Variants in SDR39U1 observed in about 807,000 individuals in gnomAD.
SDR39U1 encodes epimerase family protein SDR39U1.
A neutral mutation model predicts 31.7 loss-of-function variants in SDR39U1; 29 were observed. The ratio of observed to expected loss-of-function variants is 0.92; its 90% CI spans 0.68 to 1.25. The LOEUF is 1.25. SDR39U1 is among the 50% of genes most tolerant of loss of function. The pLI is 0.00. For missense variants in SDR39U1, 403 were observed against 378.4 expected (o/e 1.06, Z -0.54); for synonymous variants, 147 against 159.0 (o/e 0.92, Z 0.57).
rs376056935 is a variant in SDR39U1, at chr14:24,442,771, G to A, written c.-2C>T. 8 of 1,613,886 alleles carry A rather than the reference G, an allele frequency of 5.0e-6. No individual in the cohort carries two copies. The highest frequency in any genetic ancestry group is 6.8e-6 in the Non-Finnish European group (8 of 1,179,882). ...TCCCTCACCCACAAGCACACGCATAGCGACTAGGACCTAACGCGCCTGCGT... is the reference window on the plus strand; with the variant it reads ...TCCCTCACCCACAAGCACACGCATAACGACTAGGACCTAACGCGCCTGCGT... On this transcript the variant is annotated 5_prime_UTR_variant, in exon 1 of 6. Coordinates refer to ENST00000399395, the MANE Select transcript of SDR39U1 (RefSeq NM_020195.3).
chr14:24,440,622 A>AC, intron 5 of SDR39U1, 130 bp from the exon 6 acceptor site: 1 of 1,362,244 alleles, frequency 7.3e-7, no homozygotes, highest in Non-Finnish European at 1.0e-6. Flanking sequence ...AGTGAGCAGT[A>AC]TGGCTGTCTT....
In SDR39U1 at chr14:24,442,027, G is replaced by C. The variant is rs567062887; in HGVS notation, c.206+151C>G. 7.0e-5 allele frequency: 106 copies of C among 1,508,722 alleles called. 1 individual carries two copies. In the African/African-American group the frequency reaches 7.2e-4, roughly 10 times the overall value. The allele number at this position is 1,508,722 out of a possible 1,614,324, so 93.5% of individuals were successfully genotyped here. A position where few individuals can be genotyped will look rare whatever the true frequency, so the allele number is the denominator to read the frequency against. ...GGCTGACTGGGTGGAGGAGCAGGTG[G>C]GGGTGGAGGAGTGGAGCAGAATGAG... On this transcript the variant is annotated intron_variant, in intron 3 of 5. Coordinates refer to ENST00000399395, the MANE Select transcript of SDR39U1 (RefSeq NM_020195.3).
intron 1 of SDR39U1, 92 bp downstream of exon 1, chr14:24,442,662 G>C: frequency 6.6e-7 from 1 of 1,515,324 alleles, no homozygotes; most frequent in Non-Finnish European, 9.2e-7. Context: ...CAGGTTGCCT[G>C]TGCACTAGAC....
intron 4 of SDR39U1, chr14:24,441,143 A>G (rs915435225): frequency 1.5e-6 from 1 of 662,050 alleles, no homozygotes; most frequent in African/African-American, 1.8e-5. Flanking sequence ...AGGCTGCTAG[A>G]GTGTAGTGGT....
At chr14:24,441,485 A>G (rs1315072837) in intron 4 of SDR39U1, 189 bp downstream of exon 4, 1 of 552,728 alleles carries the variant, frequency 1.8e-6, no homozygotes, top group Non-Finnish European at 3.1e-6. Context: ...GCCACTCCCC[A>G]CTGTTTTTTC....
chr14:24,441,502 T>C (rs952611479), intron 4 of SDR39U1, 172 bp downstream of exon 4: 5 of 582,260 alleles, frequency 8.6e-6, no homozygotes, highest in Non-Finnish European at 1.4e-5. Flanking sequence ...TTTCAGGGTC[T>C]CAATTTCTTA....
Position 24,440,945 on chromosome 14 carries a change from C to A in SDR39U1, c.329-19G>T. ...TAGTAAGCTGCCGGTGGAACACAAT[C>A]ATTTGCCCTGGGTGTCCTTGGTCCT... On this transcript the variant is annotated intron_variant, in intron 4 of 5. Transcript: ENST00000399395. The A allele has an allele frequency of 6.2e-7, 1 of 1,613,942 alleles. No individual in the cohort carries two copies. Among genetic ancestry groups the A allele is most frequent in the South Asian group, 1.1e-5 (1 of 91,060 alleles).
rs1022747727 is a variant in SDR39U1 at position 24,442,215 on chromosome 14, TGAC to T, written c.166_168del (p.Val56del). 1.2e-5 allele frequency: 19 copies of T among 1,612,158 alleles called. No homozygotes were observed. The highest frequency in any genetic ancestry group is 1.6e-5 in the Non-Finnish European group (19 of 1,179,248). The stretch of plus-strand genomic sequence containing the variant: ...TTGAGGATGTTCTCTCCGGCCAGGT[TGAC>T]GGCGGCATCGCAGCTCGGCAGCCCC... On this transcript the variant is annotated inframe_deletion, in exon 3 of 6. Coordinates refer to ENST00000399395, the MANE Select transcript of SDR39U1 (RefSeq NM_020195.3).
chr14:24,442,366 CG>C lies in SDR39U1; in HGVS notation c.102del (p.Gly37AlafsTer42), dbSNP rs1369702381. 5.0e-6 allele frequency: 8 copies of C among 1,611,564 alleles called. No individual in the cohort carries two copies. The East Asian group carries it at 1.8e-4, about 36-fold the overall frequency. On this transcript the variant is annotated frameshift_variant, in exon 2 of 6. Coordinates refer to ENST00000399395, the MANE Select transcript of SDR39U1 (RefSeq NM_020195.3). LOFTEE classifies it high-confidence loss of function. ...GHEVTLVSRK[P>X]GPGRITWDEL... Reference sequence around the variant, plus strand: ...CTTACCCACGTGATCCGGCCGGGCCCGGGCTTTCGGGAGACCAACGTCACTT... The same window carrying C: ...CTTACCCACGTGATCCGGCCGGGCCCGGCTTTCGGGAGACCAACGTCACTT...
chr14:24,441,952 G>C (rs2043356260), intron 3 of SDR39U1, 157 bp from the exon 4 acceptor site: 1 of 1,340,254 alleles, frequency 7.5e-7, no homozygotes, highest in African/African-American at 1.4e-5. Context: ...GAGGGAAAGG[G>C]CATTCATTTC....
chr14:24,440,580 C>T (rs758744608), intron 5 of SDR39U1, 88 bp from the exon 6 acceptor site: 6 of 1,474,308 alleles, frequency 4.1e-6, no homozygotes, highest in Admixed American at 2.0e-5. Context: ...CCCTTCCTCA[C>T]TCTCCCCATG....
rs779142742 is a variant in SDR39U1, at chr14:24,441,627, C to T, written c.328+47G>A. On this transcript the variant is annotated intron_variant, in intron 4 of 5. Transcript: ENST00000399395. Reference sequence around the variant, plus strand: ...GCATAGCTACAGAGGTCTGAGTTACCCCGTTCCCCTGGCGAATATAAGGGG... The same window carrying T: ...GCATAGCTACAGAGGTCTGAGTTACTCCGTTCCCCTGGCGAATATAAGGGG... The T allele has an allele frequency of 3.3e-5, 50 of 1,515,264 alleles. 1 individual carries two copies. The highest frequency in any genetic ancestry group is 2.7e-4 in the South Asian group (22 of 81,464). The allele number at this position is 1,515,264 out of a possible 1,614,324, so 93.9% of individuals were successfully genotyped here.
chr14:24,440,919 G>A lies in SDR39U1; in HGVS notation c.336C>T (p.Tyr112=). 6.2e-7 allele frequency: 1 copy of A among 1,614,012 alleles called. No homozygotes were observed. ...CATACTCCGCAGTCAGACTGGGCTG[G>A]TAGTAAGCTGCCGGTGGAACACAAT... ...AWVLVTGVAY[Y]QPSLTAEYDE... Residue 112 remains tyrosine (Y), a synonymous_variant, in exon 5 of 6, where the codon TAC becomes TAT. Coordinates refer to ENST00000399395, the MANE Select transcript of SDR39U1 (RefSeq NM_020195.3).
rs1594761695 is a variant in SDR39U1 at position 24,440,019 on chromosome 14, C to T, written c.*64G>A. 3.6e-6 allele frequency: 5 copies of T among 1,385,630 alleles called. No homozygotes were observed. The highest frequency in any genetic ancestry group is 4.9e-6 in the Non-Finnish European group (5 of 1,019,456). 85.8% of individuals were successfully genotyped at this position (1,385,630 alleles called of 1,614,324 possible). ...CTTCAGCTCTCTAGAGGAGCTGAGC[C>T]TATTCACAGTGCCTAACCTGGAAGC... is the stretch of plus-strand genomic sequence containing the variant. On this transcript the variant is annotated 3_prime_UTR_variant, in exon 6 of 6. Transcript: ENST00000399395.
Position 24,442,496 on chromosome 14 carries a change from G to T in SDR39U1, c.17-44C>A, listed in dbSNP as rs1429326113. On this transcript the variant is annotated intron_variant, in intron 1 of 5. Coordinates refer to ENST00000399395, the MANE Select transcript of SDR39U1 (RefSeq NM_020195.3). ...TTGTTTATATTCCCGTGGAGTTGGG[G>T]TGGGGGCGCCTTCCGTCCCCGCTGT... is the stretch of plus-strand genomic sequence containing the variant. 9 of 1,539,814 alleles carry T rather than the reference G, an allele frequency of 5.8e-6. No homozygotes were observed. The East Asian group carries it at 1.7e-4, about 29-fold the overall frequency.
rs773177357 is a variant in SDR39U1 at position 24,440,845 on chromosome 14, G to A, written c.410C>T (p.Thr137Ile). The A allele has an allele frequency of 1.9e-6, 3 of 1,613,946 alleles. No homozygotes were observed. The highest frequency in any genetic ancestry group is 1.7e-6 in the Non-Finnish European group (2 of 1,179,874). Residue 137 changes from threonine (T) to isoleucine (I), a missense_variant, in exon 5 of 6, where the codon ACC (threonine) becomes ATC (isoleucine). By Grantham distance (89) the Thr-to-Ile change is moderately conservative (BLOSUM62 -1). Coordinates refer to ENST00000399395, the MANE Select transcript of SDR39U1 (RefSeq NM_020195.3). Reference protein sequence around the residue: ...GDFDFFSNLVTKWEAAARLPG... With the variant: ...GDFDFFSNLVIKWEAAARLPG... ...AAGCCTGGCTGCAGCTTCCCATTTG[G>A]TTACGAGGTTGGAGAAAAAGTCAAA...
At position 24,440,230 on chromosome 14, in the gene SDR39U1, G is replaced by A. The variant is rs7157920; in HGVS notation, c.735C>T (p.Pro245=). ...CAAAGACAGCTTGCACCACAGCGCT[G>A]GGGAGAGGGATGAAGGCTCGGCGGC... The part of the protein sequence containing the change: ...ALGRRAFIPL[P]SAVVQAVFGR... The change falls in exon 6 of 6, where the codon CCC becomes CCT. Residue 245 remains proline, a synonymous_variant. Transcript: ENST00000399395. 3.7e-3 allele frequency: 5,969 copies of A among 1,613,930 alleles called. 199 individuals carry two copies. The African/African-American group carries it at 0.07, about 19-fold the overall frequency.
intron 1 of SDR39U1, 49 bp from the exon 2 acceptor site, chr14:24,442,501 G>A: frequency 6.6e-7 from 1 of 1,519,676 alleles, no homozygotes. Flanking sequence ...TTGGGGTGGG[G>A]GCGCCTTCCG....
intron 1 of SDR39U1, 59 bp downstream of exon 1, chr14:24,442,695 C>A: frequency 6.2e-7 from 1 of 1,606,312 alleles, no homozygotes; most frequent in Non-Finnish European, 8.5e-7. Context: ...GAAGCGGATT[C>A]CCAGTCCTCA....
Sources: gnomAD v4.1 joint callset for allele counts on GRCh38, gnomAD v4.1.1 for gene constraint, MANE v1.5 for transcripts, NCBI Gene and HGNC (gene_info 2026-07-23, HGNC 2026-07-21) for gene names.